Variants in PALLD observed in about 807,000 individuals in gnomAD.
PALLD encodes palladin.
PALLD carries 61 observed loss-of-function variants against 123.5 expected under a neutral mutation model. The observed-to-expected ratio is 0.49, with a 90% CI of 0.40 to 0.61. The LOEUF is 0.61. PALLD is among the 20% of genes least tolerant of loss of function. The pLI, the probability that PALLD is intolerant of heterozygous loss-of-function variation, is 0.00. For missense variants in PALLD, 1,273 were observed against 1,377.0 expected (o/e 0.92, Z 1.20); for synonymous variants, 465 against 496.4 (o/e 0.94, Z 0.84).
intron 2 of PALLD, among the ~76,000 whole-genome samples, chr4:168,554,177 G>C (rs146712188): frequency 1.1e-4 from 17 of 152,224 alleles, no homozygotes; most frequent in African/African-American, 4.1e-4. Context: ...GGTCACCATT[G>C]TTTATGAAAT....
At chr4:168,507,179 T>TA (rs930498846) in intron 1 of PALLD, among the ~76,000 whole-genome samples, 30 of 152,144 alleles carry the variant, frequency 2.0e-4, no homozygotes, top group Admixed American at 6.5e-4. Flanking sequence ...TAAAATAAAA[T>TA]AAAAAAACTT....
At chr4:168,593,440 A>AAAAAAGAAAAAAAAG (rs1554047280) in intron 2 of PALLD, among the ~76,000 whole-genome samples, 19 of 140,934 alleles carry the variant, frequency 1.3e-4, no homozygotes, top group African/African-American at 5.2e-4. Flanking sequence ...ACCAGGCAAA[A>AAAAAAGAAAAAAAAG]AAAAAAGAAA....
intron 2 of PALLD, among the ~76,000 whole-genome samples, chr4:168,660,257 T>A (rs1169641922): frequency 6.6e-6 from 1 of 152,140 alleles, no homozygotes; most frequent in Middle Eastern, 3.2e-3. Flanking sequence ...AGCCATTTGG[T>A]CTGAAGCAGC....
intron 2 of PALLD, among the ~76,000 whole-genome samples, chr4:168,553,408 C>A (rs1766945910): frequency 6.6e-6 from 1 of 152,180 alleles, no homozygotes; most frequent in Non-Finnish European, 1.5e-5. Flanking sequence ...GTCATTAATG[C>A]AAGTGCTACA....
chr4:168,632,594 G>T (rs1004243388), intron 2 of PALLD, among the ~76,000 whole-genome samples: 1 of 152,154 alleles, frequency 6.6e-6, no homozygotes, highest in African/African-American at 2.4e-5. Flanking sequence ...TTTGGACGGG[G>T]TCCCTGTTGT....
At chr4:168,920,489 G>A (rs879374063) in intron 17 of PALLD, among the ~76,000 whole-genome samples, 8 of 152,176 alleles carry the variant, frequency 5.3e-5, no homozygotes, top group African/African-American at 7.2e-5. Context: ...ATATAACTTC[G>A]TACTAGTAAA....
intron 3 of PALLD, among the ~76,000 whole-genome samples, chr4:168,668,645 C>T (rs1295964450): frequency 6.6e-6 from 1 of 152,134 alleles, no homozygotes; most frequent in Admixed American, 6.5e-5. Context: ...TTATTTTTGT[C>T]TTTCTCTAGT....
intron 2 of PALLD, among the ~76,000 whole-genome samples, chr4:168,626,048 G>A (rs1775235121): frequency 6.6e-6 from 1 of 151,782 alleles, no homozygotes; most frequent in African/African-American, 2.4e-5. Context: ...CGGATCACGA[G>A]GTCAGGAGAT....
chr4:168,923,832 G>GA (rs1206585316), intron 18 of PALLD, among the ~76,000 whole-genome samples: 1 of 152,190 alleles, frequency 6.6e-6, no homozygotes, highest in East Asian at 1.9e-4. Flanking sequence ...AAACGGCAGT[G>GA]AGGGAATCTA....
chr4:168,703,253 G>T (rs1783875184), intron 8 of PALLD, among the ~76,000 whole-genome samples: 1 of 142,518 alleles, frequency 7.0e-6, no homozygotes, highest in South Asian at 2.4e-4. Context: ...ATTGTTTATG[G>T]CTGCATAGTA....
At chr4:168,749,064 G>A (rs567079089) in intron 10 of PALLD, among the ~76,000 whole-genome samples, 61 of 152,228 alleles carry the variant, frequency 4.0e-4, no homozygotes, top group African/African-American at 1.4e-3. Flanking sequence ...TGGGGCAGGA[G>A]GGCAGATCCC....
chr4:168,850,277 C>G (rs1747547054), intron 10 of PALLD, among the ~76,000 whole-genome samples: 1 of 152,010 alleles, frequency 6.6e-6, no homozygotes. Flanking sequence ...GAATGCTCCC[C>G]CTTCAGCCCC....
In PALLD at chr4:168,859,125, C is replaced by T. The variant is rs147416796; in HGVS notation, c.1965-31797C>T. Among the ~76,000 whole-genome samples, 1,342 of 152,290 alleles carry T rather than the reference C, an allele frequency of 8.8e-3. 17 individuals carry two copies. The highest frequency in any genetic ancestry group is 0.03 in the African/African-American group (1,259 of 41,562). Reference sequence around the variant, plus strand: ...AACGTGTTACAACATTTTTGCTTTGCTCTGTTACATGACTCGGGGCTTACC... The same window carrying T: ...AACGTGTTACAACATTTTTGCTTTGTTCTGTTACATGACTCGGGGCTTACC... On this transcript the variant is annotated intron_variant, in intron 10 of 21. Coordinates refer to ENST00000505667, the MANE Select transcript of PALLD (RefSeq NM_001166108.2).
At chr4:168,515,960 A>G (rs2149439645) in intron 2 of PALLD, among the ~76,000 whole-genome samples, 1 of 152,364 alleles carries the variant, frequency 6.6e-6, no homozygotes, top group Admixed American at 6.5e-5. Context: ...AAGAAGTAAC[A>G]GAAACAACAG....
At chr4:168,587,951 C>T (rs1161521669) in intron 2 of PALLD, among the ~76,000 whole-genome samples, 1 of 152,030 alleles carries the variant, frequency 6.6e-6, no homozygotes, top group South Asian at 2.1e-4. Context: ...GACTGCGAGG[C>T]GTGTCACAAG....
chr4:168,678,984 G>A (rs1349056010), intron 3 of PALLD, among the ~76,000 whole-genome samples: 1 of 144,968 alleles, frequency 6.9e-6, no homozygotes, highest in Non-Finnish European at 1.5e-5. Context: ...GTGTGGGTAC[G>A]GTGTGTGCGT....
At position 168,926,822 on chromosome 4, in the gene PALLD, C is replaced by CAGA; in HGVS notation, c.*643_*645dup. On this transcript the variant is annotated 3_prime_UTR_variant, in exon 22 of 22. Transcript: ENST00000505667. ...GATTCTGAAGCACAGTGTATTCAGA[C>CAGA]AGATACAGTGAACCAAGTGCAATAT... The CAGA allele has an allele frequency of 4.5e-6, 1 of 222,302 alleles. No individual in the cohort carries two copies. The highest frequency in any genetic ancestry group is 6.7e-5 in the East Asian group (1 of 15,024). 13.8% of individuals were successfully genotyped at this position (222,302 alleles called of 1,614,324 possible).
At chr4:168,643,166 A>G (rs563167135) in intron 2 of PALLD, among the ~76,000 whole-genome samples, 2 of 152,224 alleles carry the variant, frequency 1.3e-5, no homozygotes, top group Non-Finnish European at 2.9e-5. Context: ...GCAAAATTCT[A>G]TACCCTATCC....
intron 10 of PALLD, among the ~76,000 whole-genome samples, chr4:168,739,993 G>A (rs192836568): frequency 3.5e-4 from 53 of 152,192 alleles, no homozygotes; most frequent in Non-Finnish European, 6.2e-4. Context: ...AAAGTTGCAC[G>A]GGATGCTTAT....
Sources: allele counts gnomAD v4.1 joint callset (sites outside exome capture counted in the v4.1 genomes callset), GRCh38; gene constraint gnomAD v4.1.1; transcripts MANE v1.5; gene names NCBI Gene and HGNC (gene_info 2026-07-23, HGNC 2026-07-21).